The following GPC6 variants were observed in gnomAD, a reference collection of about 807,000 sequenced individuals.
The protein encoded by GPC6 is glypican-6.
A neutral mutation model predicts 55.2 loss-of-function variants in GPC6; 14 were observed. The ratio of observed to expected loss-of-function variants is 0.25; its 90% CI spans 0.17 to 0.40. The LOEUF (loss-of-function observed/expected upper bound fraction) is 0.40. Among genes scored for constraint, GPC6 ranks in the 10% least tolerant of loss-of-function variants. GPC6 has a pLI of 1.00. For missense variants in GPC6, 641 were observed against 708.5 expected, an observed-to-expected ratio of 0.90 and a Z score of 1.08; for synonymous variants, 278 against 259.6, an observed-to-expected ratio of 1.07 and a Z score of -0.68.
chr13:94,329,035 G>C lies in GPC6; in HGVS notation c.1152+22912G>C, dbSNP rs142190387. 4.7e-4 allele frequency among the ~76,000 whole-genome samples: 71 copies of C among 152,290 alleles called. 1 individual carries two copies. Among genetic ancestry groups the C allele is most frequent in the African/African-American group, 1.6e-3 (65 of 41,550 alleles). On this transcript the variant is annotated intron_variant, in intron 6 of 8. Transcript: ENST00000377047. The stretch of plus-strand genomic sequence containing the variant: ...AGCTCCTGAGGAAGAACCCCGGGGG[G>C]GGCTGAAATGGAGTTGGTGAGATAC...
intron 1 of GPC6, among the ~76,000 whole-genome samples, chr13:93,259,193 G>T (rs1253902899): frequency 6.6e-6 from 1 of 152,072 alleles, no homozygotes; most frequent in Non-Finnish European, 1.5e-5. Context: ...ATGTGCTCAT[G>T]AACCACTTAA....
chr13:93,789,313 G>A (rs972625352), intron 2 of GPC6, among the ~76,000 whole-genome samples: 1 of 151,500 alleles, frequency 6.6e-6, no homozygotes, highest in Admixed American at 6.6e-5. Flanking sequence ...AATCCGTGAG[G>A]ATTTCCTATG....
intron 6 of GPC6, among the ~76,000 whole-genome samples, chr13:94,348,620 C>T (rs555361277): frequency 7.2e-5 from 11 of 152,298 alleles, no homozygotes; most frequent in African/African-American, 2.6e-4. Context: ...CCTTAGAAAC[C>T]CTGCCTTAGT....
chr13:93,678,373 ATAC>A (rs1168573958), intron 2 of GPC6, among the ~76,000 whole-genome samples: 1 of 152,162 alleles, frequency 6.6e-6, no homozygotes, highest in Non-Finnish European at 1.5e-5. Flanking sequence ...TTTTGCTATG[ATAC>A]ACAATGTTGT....
intron 1 of GPC6, among the ~76,000 whole-genome samples, chr13:93,466,269 A>G (rs891958081): frequency 3.9e-5 from 6 of 152,158 alleles, no homozygotes; most frequent in Non-Finnish European, 8.8e-5. Flanking sequence ...AAAATGAAGC[A>G]TGCCTGTATA....
At chr13:93,675,889 A>G (rs937138276) in intron 2 of GPC6, among the ~76,000 whole-genome samples, 1 of 151,972 alleles carries the variant, frequency 6.6e-6, no homozygotes, top group African/African-American at 2.4e-5. Context: ...TAATTTTTCT[A>G]GATCCAAGGA....
chr13:93,595,392 G>T (rs546409893), intron 2 of GPC6, among the ~76,000 whole-genome samples: 2 of 152,170 alleles, frequency 1.3e-5, no homozygotes, highest in East Asian at 3.9e-4. Context: ...GCCATTTGAC[G>T]TTAATCACTT....
intron 1 of GPC6, among the ~76,000 whole-genome samples, chr13:93,372,746 A>G (rs1421944029): frequency 3.9e-5 from 6 of 152,176 alleles, no homozygotes; most frequent in Non-Finnish European, 5.9e-5. Flanking sequence ...GAAAGACTTC[A>G]TTTTGGTTGA....
chr13:94,132,855 G>T (rs568053522), intron 4 of GPC6, among the ~76,000 whole-genome samples: 3 of 152,162 alleles, frequency 2.0e-5, no homozygotes, highest in Non-Finnish European at 4.4e-5. Flanking sequence ...AAAGTTAAAA[G>T]ACGATTTCAG....
intron 6 of GPC6, among the ~76,000 whole-genome samples, chr13:94,336,048 AT>A (rs1877680860): frequency 1.3e-5 from 2 of 152,076 alleles, no homozygotes; most frequent in African/African-American, 4.8e-5. Context: ...TTGGAGAGTC[AT>A]TTTTGTGAGT....
intron 1 of GPC6, among the ~76,000 whole-genome samples, chr13:93,472,703 T>G (rs1176350500): frequency 6.6e-6 from 1 of 152,190 alleles, no homozygotes; most frequent in Non-Finnish European, 1.5e-5. Flanking sequence ...CTCCTCTCCT[T>G]CTCTTTGCAA....
chr13:93,772,415 T>C (rs1478511553), intron 2 of GPC6, among the ~76,000 whole-genome samples: 1 of 151,864 alleles, frequency 6.6e-6, no homozygotes, highest in Non-Finnish European at 1.5e-5. Flanking sequence ...CTACCTTGTA[T>C]TAAATATGGA....
At chr13:94,259,006 A>G (rs558335177) in intron 4 of GPC6, among the ~76,000 whole-genome samples, 20 of 150,858 alleles carry the variant, frequency 1.3e-4, no homozygotes, top group Middle Eastern at 3.2e-3. Flanking sequence ...AACTGGAAAC[A>G]TTTCCCAGAA....
intron 2 of GPC6, among the ~76,000 whole-genome samples, chr13:93,615,253 A>G (rs908049498): frequency 1.3e-5 from 2 of 152,146 alleles, no homozygotes; most frequent in Non-Finnish European, 2.9e-5. Flanking sequence ...ACAAATAACA[A>G]TTATATGAAT....
intron 6 of GPC6, among the ~76,000 whole-genome samples, chr13:94,360,516 C>T (rs1594204997): frequency 6.6e-6 from 1 of 152,006 alleles, no homozygotes; most frequent in African/African-American, 2.4e-5. Context: ...GGGTTCTAGA[C>T]ATAGGCATTG....
Position 93,973,010 on chromosome 13 carries a change from T to TAAG in GPC6, c.712-54718_712-54716dup, listed in dbSNP as rs543396997. On this transcript the variant is annotated intron_variant, in intron 3 of 8. Transcript: ENST00000377047. ...CTCTCCCTCTCTCAGTTAAATCTTC[T>TAAG]AAGTGGAAGTCCTCAATGTCAAGAG... Among the ~76,000 whole-genome samples the TAAG allele has an allele frequency of 2.9e-3, 439 of 152,054 alleles. 2 individuals are homozygous for TAAG. The highest frequency in any genetic ancestry group is 5.1e-3 in the Non-Finnish European group (348 of 67,966).
chr13:93,335,941 A>G (rs949961639), intron 1 of GPC6, among the ~76,000 whole-genome samples: 2 of 152,282 alleles, frequency 1.3e-5, no homozygotes, highest in Non-Finnish European at 2.9e-5. Flanking sequence ...GAATAGGCAC[A>G]AAACATATAA....
intron 4 of GPC6, among the ~76,000 whole-genome samples, chr13:94,272,934 CT>C (rs1243982474): frequency 8.0e-4 from 121 of 152,190 alleles, no homozygotes; most frequent in Admixed American, 2.2e-3. Flanking sequence ...ACTCAGTGAC[CT>C]TCTTCACACA....
At chr13:94,251,201 C>G (rs578178439) in intron 4 of GPC6, among the ~76,000 whole-genome samples, 2 of 151,392 alleles carry the variant, frequency 1.3e-5, no homozygotes, top group Non-Finnish European at 2.9e-5. Flanking sequence ...CAAACTAACA[C>G]AGGAACAGAA....
Sources: allele counts gnomAD v4.1 joint callset (sites outside exome capture counted in the v4.1 genomes callset), GRCh38; gene constraint gnomAD v4.1.1; transcripts MANE v1.5; gene names NCBI Gene and HGNC (gene_info 2026-07-23, HGNC 2026-07-21).